MAPKAP1: variants seen among roughly 807,000 people sequenced by gnomAD.
MAPKAP1 encodes MAPK associated protein 1, also known as target of rapamycin complex 2 subunit MAPKAP1.
In MAPKAP1, 20 loss-of-function variants were observed where a neutral mutation model predicts 65.7. The observed-to-expected ratio is 0.30, with a 90% confidence interval of 0.21 to 0.44. The LOEUF is 0.44. Ranked by LOEUF, MAPKAP1 falls within the 20% of genes least tolerant of loss-of-function variation. The probability of loss-of-function intolerance (pLI) is 1.00; values close to 1 mark genes in which losing one functional copy is unlikely to be tolerated. For synonymous variants in MAPKAP1, 222 were observed against 244.3 expected, an observed-to-expected ratio of 0.91 and a Z score of 0.85; for missense variants, 423 against 648.0, an observed-to-expected ratio of 0.65 and a Z score of 3.77.
At position 125,447,380 on chromosome 9, in the gene MAPKAP1, G is replaced by C; in HGVS notation, c.1346-2782C>G. The C allele has an allele frequency of 2.2e-6, 1 of 456,586 alleles. No homozygotes were observed. Among genetic ancestry groups the C allele is most frequent in the Non-Finnish European group, 4.4e-6 (1 of 226,936 alleles). 28.3% of individuals were successfully genotyped at this position (456,586 alleles called of 1,614,324 possible). A position where few individuals can be genotyped will look rare whatever the true frequency, so the allele number is the denominator to read the frequency against. On this transcript the variant is annotated intron_variant, in intron 10 of 11. Coordinates refer to ENST00000265960, the MANE Select transcript of MAPKAP1 (RefSeq NM_001006617.3). The surrounding 1 kb of genome is among the most constrained non-coding windows in gnomAD (Gnocchi z 4.5). ...ACGTTCTGTGGAGCACTTGTGTTTG[G>C]ACTTGAACAATGACACAGCTGCAAA...
In MAPKAP1 at chr9:125,702,693, A is replaced by G. The variant is rs543478566; in HGVS notation, c.-70+4278T>C. 1.2e-4 allele frequency among the ~76,000 whole-genome samples: 18 copies of G among 151,628 alleles called. No individual in the cohort carries two copies. The South Asian group carries it at 3.7e-3, about 32-fold the overall frequency. ...ACGGCAAAACCCTGTCTCTACTAAAAATACAAAAATTAGCTGGGCGTGGTG... is the reference window on the plus strand; with the variant it reads ...ACGGCAAAACCCTGTCTCTACTAAAGATACAAAAATTAGCTGGGCGTGGTG... On this transcript the variant is annotated intron_variant, in intron 1 of 11. Transcript: ENST00000265960.
chr9:125,603,611 C>CT (rs1422890659), intron 4 of MAPKAP1, among the ~76,000 whole-genome samples: 4 of 152,218 alleles, frequency 2.6e-5, no homozygotes, highest in Non-Finnish European at 5.9e-5. Flanking sequence ...TTGTGTTCAT[C>CT]TTGAGTCTTA....
intron 5 of MAPKAP1, among the ~76,000 whole-genome samples, chr9:125,578,021 C>T (rs1269726231): frequency 1.3e-5 from 2 of 151,912 alleles, no homozygotes; most frequent in Admixed American, 6.5e-5. Flanking sequence ...ATTGAGAAAT[C>T]GGATGGTTGC....
At chr9:125,458,833 G>A (rs1449071470) in intron 10 of MAPKAP1, among the ~76,000 whole-genome samples, 2 of 70,798 alleles carry the variant, frequency 2.8e-5, no homozygotes, top group African/African-American at 1.1e-4. Flanking sequence ...GGGGCGGCTG[G>A]CCGGGTGGGG....
At chr9:125,698,036 G>A (rs993560809) in intron 1 of MAPKAP1, among the ~76,000 whole-genome samples, 1 of 151,248 alleles carries the variant, frequency 6.6e-6, no homozygotes, top group African/African-American at 2.4e-5. Flanking sequence ...CAAATCCAGA[G>A]CAGCATGGAA....
chr9:125,559,872 G>A (rs1262255954), intron 5 of MAPKAP1, 63 bp from the exon 6 acceptor site: 5 of 1,512,698 alleles, frequency 3.3e-6, no homozygotes, highest in East Asian at 2.3e-5. Flanking sequence ...AAGACCAGAG[G>A]GTATGGTGCA....
At chr9:125,517,275 C>A (rs1306672227) in intron 7 of MAPKAP1, among the ~76,000 whole-genome samples, 3 of 152,124 alleles carry the variant, frequency 2.0e-5, no homozygotes, top group Non-Finnish European at 2.9e-5. Context: ...GGAGACCAGG[C>A]AGCAGGGAAG....
chr9:125,602,551 C>T (rs1470628265), intron 4 of MAPKAP1, among the ~76,000 whole-genome samples: 1 of 151,950 alleles, frequency 6.6e-6, no homozygotes, highest in Non-Finnish European at 1.5e-5. Context: ...CAAAGCAACA[C>T]AAAGTAAAAG....
intron 7 of MAPKAP1, among the ~76,000 whole-genome samples, chr9:125,508,111 A>G (rs1829197612): frequency 1.3e-5 from 2 of 152,150 alleles, no homozygotes; most frequent in Admixed American, 6.5e-5. Flanking sequence ...GGCTCCAGTG[A>G]GCTATGATCA....
chr9:125,453,137 A>C (rs2132948747), intron 10 of MAPKAP1, among the ~76,000 whole-genome samples: 1 of 152,316 alleles, frequency 6.6e-6, no homozygotes, highest in South Asian at 2.1e-4. Flanking sequence ...GACTCACTGC[A>C]ACCTCCACCT....
chr9:125,482,161 A>AAG (rs1286004745), intron 9 of MAPKAP1, among the ~76,000 whole-genome samples: 1 of 147,506 alleles, frequency 6.8e-6, no homozygotes, highest in Non-Finnish European at 1.5e-5. Context: ...GAAGAAGAAG[A>AAG]AAGAAAGTGT....
At chr9:125,486,986 A>G (rs1284182388) in intron 8 of MAPKAP1, among the ~76,000 whole-genome samples, 2 of 152,204 alleles carry the variant, frequency 1.3e-5, no homozygotes, top group African/African-American at 2.4e-5. Flanking sequence ...CCATTAGACT[A>G]TAACCCCAAG....
intron 4 of MAPKAP1, among the ~76,000 whole-genome samples, chr9:125,649,870 C>T (rs927987705): frequency 1.3e-4 from 20 of 151,954 alleles, no homozygotes; most frequent in Middle Eastern, 6.8e-3. Context: ...ATTCTATGCC[C>T]AGCTAGGTGA....
intron 7 of MAPKAP1, among the ~76,000 whole-genome samples, chr9:125,531,828 T>C (rs999338553): frequency 2.0e-5 from 3 of 152,168 alleles, no homozygotes; most frequent in African/African-American, 7.2e-5. Flanking sequence ...GGAGGAGACA[T>C]TACTACATTC....
chr9:125,650,110 A>G (rs1833851574), intron 4 of MAPKAP1, among the ~76,000 whole-genome samples: 1 of 152,092 alleles, frequency 6.6e-6, no homozygotes, highest in Non-Finnish European at 1.5e-5. Context: ...CTACTACTAA[A>G]TATCTCTCGA....
At chr9:125,461,545 C>A (rs1224793996) in intron 10 of MAPKAP1, among the ~76,000 whole-genome samples, 1 of 152,150 alleles carries the variant, frequency 6.6e-6, no homozygotes, top group East Asian at 1.9e-4. Flanking sequence ...CAGCAGACTT[C>A]CTTTGACAGG....
chr9:125,686,321 AAAAAG>A (rs1395180292), intron 1 of MAPKAP1, among the ~76,000 whole-genome samples: 18 of 151,790 alleles, frequency 1.2e-4, no homozygotes, highest in Admixed American at 1.2e-3. Flanking sequence ...CAAAAAAAAA[AAAAAG>A]AAAAGAAAAA....
intron 4 of MAPKAP1, among the ~76,000 whole-genome samples, chr9:125,603,453 A>G (rs933480711): frequency 6.6e-6 from 1 of 152,188 alleles, no homozygotes; most frequent in Non-Finnish European, 1.5e-5. Flanking sequence ...CAACACAAGC[A>G]AAGGGTGTGA....
intron 10 of MAPKAP1, among the ~76,000 whole-genome samples, chr9:125,452,144 G>A (rs1443656292): frequency 6.6e-6 from 1 of 151,696 alleles, no homozygotes; most frequent in Non-Finnish European, 1.5e-5. Context: ...CTGTCACTCA[G>A]CTGGAGTGCA....
Sources: gnomAD v4.1 joint callset for allele counts (sites outside exome capture counted in the v4.1 genomes callset) on GRCh38, gnomAD v4.1.1 for gene constraint, Gnocchi (gnomAD v3.1) non-coding constraint, MANE v1.5 for transcripts, NCBI Gene and HGNC (gene_info 2026-07-23, HGNC 2026-07-21) for gene names.